Variants in KCNT2 observed in about 807,000 individuals in gnomAD.
The protein encoded by KCNT2 is potassium sodium-activated channel subfamily T member 2.
In KCNT2, 67 loss-of-function variants were observed where a neutral mutation model predicts 153.8. The observed-to-expected ratio is 0.44, with a 90% confidence interval of 0.36 to 0.53. The LOEUF (loss-of-function observed/expected upper bound fraction) is 0.53, where lower values mean the gene tolerates loss of function less well. Ranked by LOEUF, KCNT2 falls within the 20% of genes least tolerant of loss-of-function variation. KCNT2 has a pLI of 0.00. For missense variants in KCNT2, 975 were observed against 1,354.8 expected (o/e 0.72, Z 4.40); for synonymous variants, 500 against 458.8 (o/e 1.09, Z -1.15).
At chr1:196,264,252 T>C (rs1429554332) in intron 25 of KCNT2, among the ~76,000 whole-genome samples, 2 of 152,306 alleles carry the variant, frequency 1.3e-5, no homozygotes, top group East Asian at 3.9e-4. Flanking sequence ...ACTTAAATAA[T>C]GTATCTGAGT....
intron 14 of KCNT2, among the ~76,000 whole-genome samples, chr1:196,357,491 C>G (rs1332392457): frequency 6.6e-6 from 1 of 151,830 alleles, no homozygotes; most frequent in Non-Finnish European, 1.5e-5. Flanking sequence ...CTTGTGGAGA[C>G]TGAGTGCCTG....
At chr1:196,597,848 A>C (rs1664270944) in intron 1 of KCNT2, among the ~76,000 whole-genome samples, 1 of 152,218 alleles carries the variant, frequency 6.6e-6, no homozygotes, top group South Asian at 2.1e-4. Flanking sequence ...TAGGCAAAAC[A>C]TACTAATAAG....
chr1:196,491,111 T>C (rs1245085544), intron 2 of KCNT2, among the ~76,000 whole-genome samples: 10 of 152,194 alleles, frequency 6.6e-5, no homozygotes, highest in Non-Finnish European at 1.3e-4. Context: ...AACTGCTTAG[T>C]TGCAGCTGAC....
At chr1:196,527,913 C>T (rs974682084) in intron 1 of KCNT2, among the ~76,000 whole-genome samples, 2 of 152,130 alleles carry the variant, frequency 1.3e-5, no homozygotes, top group African/African-American at 4.8e-5. Context: ...TTTCCTTAAT[C>T]CTAAATTGTC....
chr1:196,264,925 C>A (rs953998637), intron 25 of KCNT2, among the ~76,000 whole-genome samples: 2 of 152,108 alleles, frequency 1.3e-5, no homozygotes, highest in Non-Finnish European at 2.9e-5. Context: ...GCCACCATGC[C>A]CAGCCCAGCC....
At chr1:196,494,993 G>A (rs934320896) in intron 1 of KCNT2, among the ~76,000 whole-genome samples, 6 of 151,482 alleles carry the variant, frequency 4.0e-5, no homozygotes, top group Admixed American at 6.6e-5. Flanking sequence ...TTTCCTGAGA[G>A]CAAAGGCAAT....
At chr1:196,371,620 T>C (rs923615151) in intron 14 of KCNT2, among the ~76,000 whole-genome samples, 2 of 152,132 alleles carry the variant, frequency 1.3e-5, no homozygotes, top group African/African-American at 2.4e-5. Flanking sequence ...TCCTTAATTA[T>C]ATAACAATGT....
At chr1:196,245,629 A>C (rs894567116) in intron 26 of KCNT2, among the ~76,000 whole-genome samples, 2 of 152,212 alleles carry the variant, frequency 1.3e-5, no homozygotes, top group African/African-American at 4.8e-5. Context: ...AACACAGAGA[A>C]GGAATTCAGA....
chr1:196,434,757 A>G (rs1189051903), intron 8 of KCNT2, among the ~76,000 whole-genome samples: 2 of 151,924 alleles, frequency 1.3e-5, no homozygotes, highest in East Asian at 3.9e-4. Flanking sequence ...ATATGACAAA[A>G]GTGACATTAT....
In KCNT2 at chr1:196,227,318, A is replaced by G. The variant is rs1008687605; in HGVS notation, c.*906T>C. On this transcript the variant is annotated 3_prime_UTR_variant, in exon 28 of 28. Transcript: ENST00000294725. ...TAAAAGAATTTTTCTAGTGAAATTT[A>G]CTATATAGATATATGAATAGGAAAG... 1.3e-5 allele frequency: 2 copies of G among 152,064 alleles called. No individual in the cohort carries two copies. Among genetic ancestry groups the G allele is most frequent in the African/African-American group, 4.8e-5 (2 of 41,466 alleles). The allele number at this position is 152,064 out of a possible 1,614,324, so 9.4% of individuals were successfully genotyped here. A position where few individuals can be genotyped will look rare whatever the true frequency, so the allele number is the denominator to read the frequency against.
At chr1:196,508,331 G>A (rs1027387066) in intron 1 of KCNT2, among the ~76,000 whole-genome samples, 2 of 150,670 alleles carry the variant, frequency 1.3e-5, no homozygotes, top group African/African-American at 2.4e-5. Context: ...TAATATTTTT[G>A]ACCTTTGAAC....
At chr1:196,464,253 C>T (rs1343108269) in intron 8 of KCNT2, among the ~76,000 whole-genome samples, 1 of 151,444 alleles carries the variant, frequency 6.6e-6, no homozygotes, top group Non-Finnish European at 1.5e-5. Context: ...AGACAGTTTG[C>T]GAAAGGTAAA....
chr1:196,540,793 G>A lies in KCNT2; in HGVS notation c.96-48452C>T, dbSNP rs528784261. On this transcript the variant is annotated intron_variant, in intron 1 of 27. Transcript: ENST00000294725. ...TTAAAGATATCTATTTAGGCCAGGC[G>A]CTGTGGCTCACGCCTGTAATCCCAG... Among the ~76,000 whole-genome samples the A allele has an allele frequency of 1.4e-4, 21 of 152,210 alleles. No homozygotes were observed. In the East Asian group the frequency reaches 1.9e-3, roughly 14 times the overall value.
intron 27 of KCNT2, among the ~76,000 whole-genome samples, chr1:196,231,098 C>T (rs1285818588): frequency 1.3e-5 from 2 of 151,832 alleles, no homozygotes; most frequent in African/African-American, 2.4e-5. Context: ...CAGCCATCAA[C>T]ATTGAGGCAA....
chr1:196,361,919 G>GTGTT (rs1314490250), intron 14 of KCNT2, among the ~76,000 whole-genome samples: 2 of 151,576 alleles, frequency 1.3e-5, no homozygotes, highest in African/African-American at 2.4e-5. Flanking sequence ...GTGTGAGTGT[G>GTGTT]TGTGTGTGTG....
intron 14 of KCNT2, among the ~76,000 whole-genome samples, chr1:196,353,006 G>A (rs1026094941): frequency 1.3e-5 from 2 of 152,054 alleles, no homozygotes; most frequent in Non-Finnish European, 2.9e-5. Context: ...ATGTAGTTGA[G>A]CGGTTTTGAG....
At chr1:196,476,836 T>A (rs1355693493) in intron 5 of KCNT2, among the ~76,000 whole-genome samples, 1 of 152,160 alleles carries the variant, frequency 6.6e-6, no homozygotes, top group East Asian at 1.9e-4. Context: ...CTGCTTTGAG[T>A]AAGCACCTGC....
At chr1:196,525,524 CTG>C (rs746556188) in intron 1 of KCNT2, among the ~76,000 whole-genome samples, 14 of 152,188 alleles carry the variant, frequency 9.2e-5, no homozygotes, top group Non-Finnish European at 1.8e-4. Flanking sequence ...GGGCTGCTGT[CTG>C]TGAGTTCAAT....
At chr1:196,256,709 A>AATATATATATATATATATATATATATAT (rs144323772) in intron 26 of KCNT2, among the ~76,000 whole-genome samples, 2 of 144,178 alleles carry the variant, frequency 1.4e-5, no homozygotes, top group African/African-American at 5.1e-5. Context: ...TTATCATGGA[A>AATATATATATATATATATATATATATAT]ATATATATAT....
Sources: gnomAD v4.1 joint callset for allele counts (sites outside exome capture counted in the v4.1 genomes callset) on GRCh38, gnomAD v4.1.1 for gene constraint, MANE v1.5 for transcripts, NCBI Gene and HGNC (gene_info 2026-07-23, HGNC 2026-07-21) for gene names.